Variants in CYP3A7 observed in about 807,000 individuals in gnomAD.
CYP3A7 encodes the protein cytochrome P450 family 3 subfamily A member 7.
Under a neutral mutation model 55.2 loss-of-function variants are expected in CYP3A7, and 45 were observed. The ratio of observed to expected loss-of-function variants is 0.82; its 90% CI spans 0.64 to 1.05. The LOEUF (loss-of-function observed/expected upper bound fraction) is 1.05, where lower values mean the gene tolerates loss of function less well. Ranked by LOEUF, CYP3A7 falls within the 50% of genes least tolerant of loss-of-function variation. The probability of loss-of-function intolerance (pLI) is 0.00; values close to 1 mark genes in which losing one functional copy is unlikely to be tolerated. For missense variants in CYP3A7, 548 were observed against 605.3 expected (o/e 0.91, Z 0.99); for synonymous variants, 180 against 207.4 (o/e 0.87, Z 1.13).
intron 9 of CYP3A7, among the ~76,000 whole-genome samples, chr7:99,712,554 G>A (rs1813795518): frequency 6.6e-6 from 1 of 152,148 alleles, no homozygotes. Context: ...TAAAACAGTA[G>A]GCTATTTCCT....
chr7:99,710,669 G>A (rs1813712523), intron 10 of CYP3A7, 63 bp downstream of exon 10: 1 of 1,612,430 alleles, frequency 6.2e-7, no homozygotes, highest in Non-Finnish European at 8.5e-7. Flanking sequence ...CTGGGAAGTG[G>A]TGAGGAAGCA....
At chr7:99,720,057 G>T (rs1477678331) in intron 4 of CYP3A7, among the ~76,000 whole-genome samples, 2 of 152,006 alleles carry the variant, frequency 1.3e-5, no homozygotes, top group African/African-American at 4.8e-5. Context: ...ACAAATGAGG[G>T]CACATAAAAC....
chr7:99,710,747 T>A lies in CYP3A7; in HGVS notation c.1011A>T (p.Thr337=). 6.2e-7 allele frequency: 1 copy of A among 1,613,840 alleles called. No individual in the cohort carries two copies. Among genetic ancestry groups the A allele is most frequent in the South Asian group, 1.1e-5 (1 of 91,088 alleles). ...VQQKVQKEID[T]VLPNKAPPTY... Reference sequence around the variant, plus strand: ...GTCCACTCACCTTATTGGGTAAAACTGTATCAATTTCCTTCTGCACTTTCT... The same window carrying A: ...GTCCACTCACCTTATTGGGTAAAACAGTATCAATTTCCTTCTGCACTTTCT... The change falls in exon 10 of 13, where the codon ACA becomes ACT. Residue 337 remains threonine, a synonymous_variant. Coordinates refer to ENST00000336374, the MANE Select transcript of CYP3A7 (RefSeq NM_000765.5).
At chr7:99,718,965 A>G (rs748767879) in intron 4 of CYP3A7, among the ~76,000 whole-genome samples, 1 of 152,228 alleles carries the variant, frequency 6.6e-6, no homozygotes, top group Non-Finnish European at 1.5e-5. Flanking sequence ...CAGGATCTCT[A>G]TGCTGAAAAC....
At chr7:99,713,381 C>T (rs754092722) in intron 9 of CYP3A7, 88 bp downstream of exon 9, 37 of 1,586,564 alleles carry the variant, frequency 2.3e-5, no homozygotes, top group Admixed American at 5.0e-5. Flanking sequence ...AAATTCTCAT[C>T]TACCTGGAAT....
intron 1 of CYP3A7, among the ~76,000 whole-genome samples, chr7:99,731,676 C>T (rs369536694): frequency 1.7e-4 from 26 of 152,328 alleles, no homozygotes; most frequent in East Asian, 5.8e-4. Context: ...TAAGCTTTCC[C>T]TTCACTCTAA....
intron 4 of CYP3A7, among the ~76,000 whole-genome samples, chr7:99,718,025 C>T (rs1294323305): frequency 6.6e-6 from 1 of 151,084 alleles, no homozygotes; most frequent in Non-Finnish European, 1.5e-5. Context: ...CCATGGGCAA[C>T]ATGAAAAAGA....
Position 99,710,791 on chromosome 7 carries a change from T to C in CYP3A7, c.967A>G (p.Thr323Ala). The change falls in exon 10 of 13, where the codon ACT becomes GCT. Residue 323 changes from threonine (T) to alanine (A), a missense_variant. Transcript: ENST00000336374. ...VLSFIIYELA[T>A]HPDVQQKVQK... is the part of the protein sequence containing the mutation. ...ACTTTCTGCTGGACATCAGGGTGAG[T>C]GGCCAGTTCATATATAATGAAGGAG... 1 of 1,613,804 alleles carries C rather than the reference T, an allele frequency of 6.2e-7. No individual in the cohort carries two copies.
chr7:99,715,592 G>T, intron 7 of CYP3A7, 166 bp downstream of exon 7: 1 of 1,226,198 alleles, frequency 8.2e-7, no homozygotes, highest in South Asian at 1.4e-5. Context: ...TAGAATGACA[G>T]AAGTGTTTTA....
intron 2 of CYP3A7, among the ~76,000 whole-genome samples, chr7:99,725,957 T>C (rs1275263918): frequency 2.6e-5 from 4 of 152,196 alleles, no homozygotes; most frequent in Admixed American, 2.6e-4. Context: ...TCCCCAACTT[T>C]GGTGCCAAAT....
intron 1 of CYP3A7, among the ~76,000 whole-genome samples, chr7:99,734,207 A>G (rs1351592225): frequency 6.6e-6 from 1 of 152,196 alleles, no homozygotes; most frequent in Non-Finnish European, 1.5e-5. Flanking sequence ...CGAGGTTTGT[A>G]TTTTCTGTTT....
chr7:99,711,040 T>A (rs1483197977), intron 9 of CYP3A7, 148 bp from the exon 10 acceptor site: 25 of 1,346,262 alleles, frequency 1.9e-5, no homozygotes, highest in Non-Finnish European at 1.7e-5. Flanking sequence ...GGTTTCACTC[T>A]GATGTGTGTC....
intron 12 of CYP3A7, among the ~76,000 whole-genome samples, chr7:99,707,247 A>G (rs953923279): frequency 2.6e-5 from 4 of 152,220 alleles, no homozygotes; most frequent in African/African-American, 9.6e-5. Context: ...TTCGTATCCA[A>G]TAGAACTACC....
chr7:99,707,723 TTAAG>T, intron 12 of CYP3A7, 85 bp downstream of exon 12: 3 of 1,567,076 alleles, frequency 1.9e-6, no homozygotes, highest in South Asian at 2.3e-5. Context: ...TATTAAAAGA[TTAAG>T]TGAGTGTATT....
rs1254819383 is a variant in CYP3A7 at position 99,705,402 on chromosome 7, C to T, written c.*98G>A. On this transcript the variant is annotated 3_prime_UTR_variant, in exon 13 of 13. Coordinates refer to ENST00000336374, the MANE Select transcript of CYP3A7 (RefSeq NM_000765.5). ...TTTATGCAGCACATTGGATGAAGCC[C>T]GTCTTCATTTCAGGGTTCTATTTGT... The T allele has an allele frequency of 2.8e-5, 37 of 1,333,420 alleles. No individual in the cohort carries two copies. The East Asian group carries it at 4.3e-4, about 15-fold the overall frequency. 82.6% of individuals were successfully genotyped at this position (1,333,420 alleles called of 1,614,324 possible).
chr7:99,708,116 A>T, intron 11 of CYP3A7, 142 bp from the exon 12 acceptor site: 4 of 1,165,960 alleles, frequency 3.4e-6, no homozygotes, highest in Non-Finnish European at 5.0e-6. Context: ...AAATCCTGCT[A>T]TGCATATTTT....
chr7:99,711,779 C>A (rs1813757478), intron 9 of CYP3A7, among the ~76,000 whole-genome samples: 1 of 64,170 alleles, frequency 1.6e-5, no homozygotes, highest in Non-Finnish European at 6.7e-5. Flanking sequence ...CAAAACAAAA[C>A]AAAACAACAA....
chr7:99,731,012 C>A, intron 2 of CYP3A7, 47 bp downstream of exon 2: 1 of 1,607,808 alleles, frequency 6.2e-7, no homozygotes, highest in Non-Finnish European at 8.5e-7. Flanking sequence ...AACTAAGTTG[C>A]TCTTTGCAAT....
chr7:99,729,793 C>T (rs761959339), intron 2 of CYP3A7, among the ~76,000 whole-genome samples: 4 of 152,128 alleles, frequency 2.6e-5, no homozygotes, highest in Non-Finnish European at 5.9e-5. Context: ...CTGCTTACCC[C>T]ACTCCTATAA....
Sources: gnomAD v4.1 joint callset for allele counts (sites outside exome capture counted in the v4.1 genomes callset) on GRCh38, gnomAD v4.1.1 for gene constraint, MANE v1.5 for transcripts, NCBI Gene and HGNC (gene_info 2026-07-23, HGNC 2026-07-21) for gene names.